Variants in DNAJC16 observed in about 807,000 individuals in gnomAD.
DNAJC16 encodes DnaJ heat shock protein family (Hsp40) member C16.
In DNAJC16, 76 loss-of-function variants were observed where a neutral mutation model predicts 92.7. That is an observed-to-expected ratio of 0.82 (90% CI 0.68 to 0.99). The LOEUF (loss-of-function observed/expected upper bound fraction) is 0.99. Ranked by LOEUF, DNAJC16 falls within the 50% of genes least tolerant of loss-of-function variation. The pLI is 0.00. For synonymous variants in DNAJC16, 328 were observed against 358.7 expected (o/e 0.91, Z 0.97); for missense variants, 869 against 942.4 (o/e 0.92, Z 1.02).
chr1:15,547,295 G>A (rs751612424), intron 6 of DNAJC16, among the ~76,000 whole-genome samples: 3 of 151,748 alleles, frequency 2.0e-5, no homozygotes, highest in Non-Finnish European at 2.9e-5. Context: ...CTACATGTGC[G>A]TGCTACCATG....
At chr1:15,547,717 A>C (rs1195699538) in intron 6 of DNAJC16, among the ~76,000 whole-genome samples, 2 of 151,812 alleles carry the variant, frequency 1.3e-5, no homozygotes, top group African/African-American at 4.8e-5. Context: ...GCTGGGATTA[A>C]AGGCATGAGC....
rs756358663 is a variant in DNAJC16, at chr1:15,567,219, C to T, written c.1899C>T (p.Thr633=). Residue 633 remains threonine (T), a synonymous_variant, in exon 14 of 15, where the codon ACC becomes ACT. Coordinates refer to ENST00000375847, the MANE Select transcript of DNAJC16 (RefSeq NM_015291.4). ...MNVVLILSNS[T]KTSLLQKFAL... ...TGGTCCTCATCCTGTCGAATTCTAC[C>T]AAGACCAGCCTACTACAGAAATTTG... The T allele has an allele frequency of 1.9e-6, 3 of 1,614,018 alleles. No individual in the cohort carries two copies. The African/African-American group carries it at 4.0e-5, about 22-fold the overall frequency.
At chr1:15,564,403 T>C (rs760753937) in intron 11 of DNAJC16, 44 bp downstream of exon 11, 4 of 1,182,354 alleles carry the variant, frequency 3.4e-6, no homozygotes, top group Non-Finnish European at 5.1e-6. Flanking sequence ...CTGTTAATAC[T>C]GATATCACTG....
intron 7 of DNAJC16, 72 bp from the exon 8 acceptor site, chr1:15,559,454 A>G: frequency 1.3e-6 from 2 of 1,588,096 alleles, no homozygotes; most frequent in Non-Finnish European, 1.7e-6. Context: ...TTAAGCTGGT[A>G]AGTAAAGAAA....
At chr1:15,538,188 A>G (rs1490055941) in intron 4 of DNAJC16, among the ~76,000 whole-genome samples, 2 of 151,886 alleles carry the variant, frequency 1.3e-5, no homozygotes, top group Non-Finnish European at 2.9e-5. Flanking sequence ...CAAGGTCAGG[A>G]GTTCGAGACC....
At chr1:15,563,553 TGTG>T (rs1175946712) in intron 9 of DNAJC16, among the ~76,000 whole-genome samples, 1 of 134,892 alleles carries the variant, frequency 7.4e-6, no homozygotes, top group Non-Finnish European at 1.6e-5. Flanking sequence ...CTGGGCCAAG[TGTG>T]GTGGCTCACA....
At chr1:15,534,865 A>T (rs113540565) in intron 3 of DNAJC16, among the ~76,000 whole-genome samples, 1,751 of 152,322 alleles carry the variant, frequency 0.011, 40 homozygotes, top group African/African-American at 0.039. Context: ...TGTATGTGTC[A>T]CTATTGCCTT....
At chr1:15,539,305 G>A (rs1710874941) in intron 4 of DNAJC16, among the ~76,000 whole-genome samples, 2 of 151,432 alleles carry the variant, frequency 1.3e-5, no homozygotes, top group Non-Finnish European at 2.9e-5. Context: ...GAGTGCAGTG[G>A]TGCGATCTCT....
intron 7 of DNAJC16, 74 bp from the exon 8 acceptor site, chr1:15,559,452 G>T: frequency 6.3e-7 from 1 of 1,586,654 alleles, no homozygotes; most frequent in South Asian, 1.1e-5. Context: ...TATTAAGCTG[G>T]TAAGTAAAGA....
At chr1:15,549,518 A>C (rs1389599304) in intron 7 of DNAJC16, among the ~76,000 whole-genome samples, 1 of 152,172 alleles carries the variant, frequency 6.6e-6, no homozygotes, top group Non-Finnish European at 1.5e-5. Context: ...ACTACAGTGC[A>C]AGAAGATATT....
At chr1:15,545,081 T>C (rs577620307) in intron 5 of DNAJC16, among the ~76,000 whole-genome samples, 22 of 152,316 alleles carry the variant, frequency 1.4e-4, no homozygotes, top group Admixed American at 3.3e-4. Flanking sequence ...GTGACAATAA[T>C]ATGAATGAAT....
rs180988989 is a variant in DNAJC16 at position 15,546,411 on chromosome 1, A to G, written c.760-356A>G. Among the ~76,000 whole-genome samples the G allele has an allele frequency of 1.6e-4, 25 of 151,752 alleles. No individual in the cohort carries two copies. The East Asian group carries it at 4.4e-3, about 27-fold the overall frequency. On this transcript the variant is annotated intron_variant, in intron 5 of 14. Transcript: ENST00000375847. The stretch of plus-strand genomic sequence containing the variant: ...AGATGATAGATAGATAGATAGGTAG[A>G]TAGATAGATATTGAAAGGGGCAGTT...
intron 7 of DNAJC16, among the ~76,000 whole-genome samples, chr1:15,552,353 G>A (rs146971822): frequency 0.01 from 1,538 of 152,086 alleles, 23 homozygotes; most frequent in African/African-American, 0.034. Context: ...AGCTGGCGTG[G>A]TGGCATGCAC....
chr1:15,556,328 G>A (rs1014326475), intron 7 of DNAJC16, among the ~76,000 whole-genome samples: 12 of 151,830 alleles, frequency 7.9e-5, no homozygotes, highest in African/African-American at 9.7e-5. Flanking sequence ...TCCAACTCCC[G>A]GGTTCAAGTA....
intron 4 of DNAJC16, among the ~76,000 whole-genome samples, chr1:15,543,729 A>G (rs1710989669): frequency 6.6e-6 from 1 of 152,242 alleles, no homozygotes; most frequent in Admixed American, 6.5e-5. Flanking sequence ...AGCAGGGCAT[A>G]TAATGAAAGT....
intron 4 of DNAJC16, among the ~76,000 whole-genome samples, chr1:15,541,220 T>C (rs1006618470): frequency 6.6e-6 from 1 of 152,242 alleles, no homozygotes; most frequent in African/African-American, 2.4e-5. Flanking sequence ...GTGATGTCTC[T>C]TCTGTCTTTA....
chr1:15,565,813 G>A lies in DNAJC16; in HGVS notation c.1599-106G>A, dbSNP rs192139870. 210 of 1,088,954 alleles carry A rather than the reference G, an allele frequency of 1.9e-4. No individual in the cohort carries two copies. In the Admixed American group the frequency reaches 3.7e-3, roughly 19 times the overall value. The allele number at this position is 1,088,954 out of a possible 1,614,324, so 67.5% of individuals were successfully genotyped here. ...CTCTGTTTGCCTGAAATTAGTAAGC[G>A]TTTATTGGTGTGAAGAGTTTTTGGT... is the stretch of plus-strand genomic sequence containing the variant. On this transcript the variant is annotated intron_variant, in intron 11 of 14. Coordinates refer to ENST00000375847, the MANE Select transcript of DNAJC16 (RefSeq NM_015291.4).
intron 1 of DNAJC16, among the ~76,000 whole-genome samples, chr1:15,527,215 G>A (rs1009120066): frequency 1.3e-5 from 2 of 152,150 alleles, no homozygotes; most frequent in Non-Finnish European, 2.9e-5. Context: ...CCTGGTCCTG[G>A]ATATGCTGCC....
intron 5 of DNAJC16, among the ~76,000 whole-genome samples, chr1:15,546,385 T>C (rs190197295): frequency 1.3e-5 from 2 of 152,216 alleles, no homozygotes; most frequent in East Asian, 3.9e-4. Context: ...GCATGATAGA[T>C]AGATGATAGA....
Sources: gnomAD v4.1 joint callset for allele counts (sites outside exome capture counted in the v4.1 genomes callset) on GRCh38, gnomAD v4.1.1 for gene constraint, MANE v1.5 for transcripts, NCBI Gene and HGNC (gene_info 2026-07-23, HGNC 2026-07-21) for gene names.